Variants in EFCAB13 observed in about 807,000 individuals in gnomAD.
EFCAB13 encodes EF-hand calcium-binding domain-containing protein 13.
EFCAB13 carries 91 observed loss-of-function variants against 110.2 expected under a neutral mutation model. The ratio of observed to expected loss-of-function variants is 0.83; its 90% CI spans 0.70 to 0.98. EFCAB13 has a LOEUF of 0.98. Ranked by LOEUF, EFCAB13 falls within the 50% of genes least tolerant of loss-of-function variation. The pLI, the probability that EFCAB13 is intolerant of heterozygous loss-of-function variation, is 0.00. For synonymous variants in EFCAB13, 323 were observed against 369.9 expected, an observed-to-expected ratio of 0.87 and a Z score of 1.45; for missense variants, 968 against 1,119.4, an observed-to-expected ratio of 0.86 and a Z score of 1.93.
At chr17:47,391,663 TAA>T (rs2065708598) in intron 15 of EFCAB13, 83 bp downstream of exon 15, 1 of 1,242,590 alleles carries the variant, frequency 8.0e-7, no homozygotes, top group African/African-American at 1.6e-5. Context: ...GAAAAATGAC[TAA>T]TTTTTTTATT....
chr17:47,415,889 C>T (rs558790886), intron 23 of EFCAB13, among the ~76,000 whole-genome samples: 1 of 152,002 alleles, frequency 6.6e-6, no homozygotes, highest in Admixed American at 6.6e-5. Context: ...CCCTGAGGTT[C>T]GTCTTATTCT....
chr17:47,387,661 A>T (rs536051670), intron 14 of EFCAB13, among the ~76,000 whole-genome samples: 1 of 146,666 alleles, frequency 6.8e-6, no homozygotes, highest in East Asian at 2.1e-4. Context: ...AAGGTCAGTT[A>T]CTAGTTCTTT....
intron 24 of EFCAB13, among the ~76,000 whole-genome samples, chr17:47,438,768 T>C (rs114335767): frequency 0.026 from 3,985 of 152,266 alleles, 180 homozygotes; most frequent in African/African-American, 0.091. Flanking sequence ...GCTTAATAAC[T>C]AACTTCGTGA....
chr17:47,349,330 G>A (rs2065435301), intron 9 of EFCAB13, among the ~76,000 whole-genome samples: 1 of 152,096 alleles, frequency 6.6e-6, no homozygotes, highest in Non-Finnish European at 1.5e-5. Flanking sequence ...TCAAAGTTGG[G>A]CTCGTTTATT....
chr17:47,369,850 C>T (rs1327526078), intron 10 of EFCAB13: 1 of 152,852 alleles, frequency 6.5e-6, no homozygotes, highest in Admixed American at 6.5e-5. Context: ...CATGCATTAT[C>T]CAAGAAGTAA....
intron 24 of EFCAB13, among the ~76,000 whole-genome samples, chr17:47,432,112 TCAGTGTGGGC>T (rs1905125937): frequency 6.6e-6 from 1 of 151,272 alleles, no homozygotes; most frequent in Non-Finnish European, 1.5e-5. Context: ...AAAAATTAGC[TCAGTGTGGGC>T]CAGGTGCGGT....
At chr17:47,429,361 A>G (rs1336974984) in intron 23 of EFCAB13, among the ~76,000 whole-genome samples, 1 of 152,180 alleles carries the variant, frequency 6.6e-6, no homozygotes, top group East Asian at 1.9e-4. Context: ...ATGTGAAGTA[A>G]TATGTGGCTC....
At chr17:47,434,617 A>T (rs1905179322) in intron 24 of EFCAB13, among the ~76,000 whole-genome samples, 1 of 152,192 alleles carries the variant, frequency 6.6e-6, no homozygotes, top group Admixed American at 6.5e-5. Flanking sequence ...ACAAATCTGG[A>T]GCATCACATT....
chr17:47,421,288 T>G (rs924773837), intron 23 of EFCAB13, among the ~76,000 whole-genome samples: 1 of 152,206 alleles, frequency 6.6e-6, no homozygotes. Flanking sequence ...CTTTTCATTT[T>G]GCTCTGTACT....
intron 23 of EFCAB13, among the ~76,000 whole-genome samples, chr17:47,425,745 G>A (rs1904929474): frequency 3.3e-5 from 5 of 152,100 alleles, no homozygotes; most frequent in Admixed American, 2.6e-4. Context: ...TGAAATTGTC[G>A]GCATGCCTGT....
intron 23 of EFCAB13, among the ~76,000 whole-genome samples, chr17:47,424,872 A>ATTTTTTT (rs1459453287): frequency 1.5e-5 from 1 of 68,344 alleles, no homozygotes; most frequent in African/African-American, 7.1e-5. Flanking sequence ...CCGGTTGACA[A>ATTTTTTT]TCTTTTTTTT....
chr17:47,391,722 A>G, intron 15 of EFCAB13, 142 bp downstream of exon 15: 1 of 678,892 alleles, frequency 1.5e-6, no homozygotes, highest in South Asian at 2.8e-5. Flanking sequence ...GAAATACTCA[A>G]AAGTACAAGA....
intron 3 of EFCAB13, 116 bp downstream of exon 3, chr17:47,326,503 T>C (rs1034755318): frequency 1.3e-5 from 2 of 152,222 alleles, no homozygotes; most frequent in African/African-American, 4.8e-5. Context: ...ATATATACCA[T>C]TGTATTTGAT....
chr17:47,434,991 T>A (rs1905186292), intron 24 of EFCAB13, among the ~76,000 whole-genome samples: 1 of 152,144 alleles, frequency 6.6e-6, no homozygotes, highest in Non-Finnish European at 1.5e-5. Flanking sequence ...AAAGAGTTCA[T>A]GACCAAGAAC....
rs879085629 is a variant in EFCAB13, at chr17:47,344,306, T to A, written c.434+14T>A. 6.2e-7 allele frequency: 1 copy of A among 1,606,694 alleles called. No homozygotes were observed. The highest frequency in any genetic ancestry group is 1.7e-4 in the Middle Eastern group (1 of 6,020). On this transcript the variant is annotated intron_variant, in intron 7 of 24. Transcript: ENST00000331493. ...TGCAATTACTCGGTATTTAAATCCT[T>A]GTACTCTATTTTTTAAATGTTGGGT... is the stretch of plus-strand genomic sequence containing the variant.
At chr17:47,383,608 C>G (rs567780096) in intron 14 of EFCAB13, among the ~76,000 whole-genome samples, 2 of 152,280 alleles carry the variant, frequency 1.3e-5, no homozygotes, top group East Asian at 3.9e-4. Flanking sequence ...GTTTCTTAAT[C>G]CTGAGTTCTA....
chr17:47,403,004 G>T (rs938491631), intron 18 of EFCAB13, among the ~76,000 whole-genome samples: 10 of 152,146 alleles, frequency 6.6e-5, no homozygotes, highest in African/African-American at 2.2e-4. Flanking sequence ...AACTGTTTTT[G>T]AAGGAAATCA....
intron 13 of EFCAB13, 39 bp downstream of exon 13, chr17:47,377,942 G>C (rs1366037483): frequency 6.5e-7 from 1 of 1,532,816 alleles, no homozygotes; most frequent in Non-Finnish European, 8.8e-7. Context: ...GAGAAAGTTA[G>C]ATATTTTTAT....
At chr17:47,378,015 G>A in intron 13 of EFCAB13, 112 bp downstream of exon 13, 1 of 991,266 alleles carries the variant, frequency 1.0e-6, no homozygotes, top group Non-Finnish European at 1.4e-6. Flanking sequence ...GACAGAATGG[G>A]TCATTCTAAA....
Sources: gnomAD v4.1 joint callset for allele counts (sites outside exome capture counted in the v4.1 genomes callset) on GRCh38, gnomAD v4.1.1 for gene constraint, MANE v1.5 for transcripts, NCBI Gene and HGNC (gene_info 2026-07-23, HGNC 2026-07-21) for gene names.